NMNAT2: variants seen among roughly 807,000 people sequenced by gnomAD.
NMNAT2 encodes nicotinamide nucleotide adenylyltransferase 2, also known as nicotinamide/nicotinic acid mononucleotide adenylyltransferase 2.
NMNAT2 carries 11 observed loss-of-function variants against 41.6 expected under a neutral mutation model. The observed-to-expected ratio is 0.26, with a 90% CI of 0.17 to 0.44. NMNAT2 has a LOEUF of 0.44. Ranked by LOEUF, NMNAT2 falls within the 20% of genes least tolerant of loss-of-function variation. The probability of loss-of-function intolerance (pLI) is 1.00; values close to 1 mark genes in which losing one functional copy is unlikely to be tolerated. For missense variants in NMNAT2, 288 were observed against 407.7 expected, an observed-to-expected ratio of 0.71 and a Z score of 2.53; for synonymous variants, 148 against 151.2, an observed-to-expected ratio of 0.98 and a Z score of 0.16.
At chr1:183,322,105 A>G (rs1662367862) in intron 1 of NMNAT2, among the ~76,000 whole-genome samples, 1 of 151,976 alleles carries the variant, frequency 6.6e-6, no homozygotes, top group Non-Finnish European at 1.5e-5. Context: ...GATTATAGAC[A>G]TGAGCCACCG....
intron 1 of NMNAT2, among the ~76,000 whole-genome samples, chr1:183,372,270 A>C (rs1020256791): frequency 6.6e-6 from 1 of 152,240 alleles, no homozygotes; most frequent in African/African-American, 2.4e-5. Flanking sequence ...AGCAGAGGCT[A>C]TCCATCAAAC....
At chr1:183,411,400 C>T (rs1649112512) in intron 1 of NMNAT2, among the ~76,000 whole-genome samples, 1 of 152,124 alleles carries the variant, frequency 6.6e-6, no homozygotes, top group Non-Finnish European at 1.5e-5. Context: ...CTGCAACCTC[C>T]ACCTCTGACC....
chr1:183,416,953 C>T (rs562482085), intron 1 of NMNAT2, among the ~76,000 whole-genome samples: 1 of 152,270 alleles, frequency 6.6e-6, no homozygotes, highest in Admixed American at 6.5e-5. Flanking sequence ...CTCTGGAGAG[C>T]GCCTTGCTGG....
chr1:183,281,763 A>G (rs571024581), intron 7 of NMNAT2, among the ~76,000 whole-genome samples: 25 of 152,332 alleles, frequency 1.6e-4, no homozygotes, highest in Non-Finnish European at 1.5e-5. Flanking sequence ...TGTTAGGAGC[A>G]TGTAAATAGG....
intron 1 of NMNAT2, among the ~76,000 whole-genome samples, chr1:183,415,867 T>C (rs1370853903): frequency 6.6e-6 from 1 of 152,252 alleles, no homozygotes; most frequent in Non-Finnish European, 1.5e-5. Flanking sequence ...GTTTATGTGC[T>C]AAATTCTTCA....
chr1:183,333,543 C>T lies in NMNAT2; in HGVS notation c.86-39750G>A, dbSNP rs138305550. Among the ~76,000 whole-genome samples the T allele has an allele frequency of 7.2e-5, 11 of 152,202 alleles. No individual in the cohort carries two copies. The South Asian group carries it at 1.7e-3, about 23-fold the overall frequency. ...TAATGTGGGGCCATGAGCCAAGGAGCGCAAGCAGTCTCTGAAAGGTGGAAA... is the reference window on the plus strand; with the variant it reads ...TAATGTGGGGCCATGAGCCAAGGAGTGCAAGCAGTCTCTGAAAGGTGGAAA... On this transcript the variant is annotated intron_variant, in intron 1 of 10. Coordinates refer to ENST00000287713, the MANE Select transcript of NMNAT2 (RefSeq NM_015039.4).
intron 1 of NMNAT2, among the ~76,000 whole-genome samples, chr1:183,325,089 G>T (rs545282309): frequency 6.6e-6 from 1 of 152,326 alleles, no homozygotes; most frequent in East Asian, 1.9e-4. Context: ...GTATGTGACT[G>T]GGGGCCCTGG....
chr1:183,370,336 C>A (rs1332326702), intron 1 of NMNAT2, among the ~76,000 whole-genome samples: 1 of 151,388 alleles, frequency 6.6e-6, no homozygotes, highest in African/African-American at 2.4e-5. Flanking sequence ...AGGTACAGTT[C>A]TGTGATGTGC....
intron 1 of NMNAT2, among the ~76,000 whole-genome samples, chr1:183,344,827 G>T (rs770579830): frequency 6.6e-6 from 1 of 152,184 alleles, no homozygotes; most frequent in Non-Finnish European, 1.5e-5. Context: ...GCTGAGAAAG[G>T]TAGAGCATCT....
chr1:183,339,690 T>C (rs547777667), intron 1 of NMNAT2, among the ~76,000 whole-genome samples: 1 of 152,220 alleles, frequency 6.6e-6, no homozygotes, highest in Non-Finnish European at 1.5e-5. Flanking sequence ...GTTCTCAGCA[T>C]TGACGTGGCT....
chr1:183,349,935 G>A (rs776199084), intron 1 of NMNAT2, among the ~76,000 whole-genome samples: 10 of 152,156 alleles, frequency 6.6e-5, no homozygotes, highest in South Asian at 2.1e-4. Flanking sequence ...CTCTCAGGCC[G>A]AAATCAGGAT....
At chr1:183,341,728 A>AAAAAAAAAAAAAC (rs1662813097) in intron 1 of NMNAT2, among the ~76,000 whole-genome samples, 1 of 135,082 alleles carries the variant, frequency 7.4e-6, no homozygotes, top group Non-Finnish European at 1.6e-5. Flanking sequence ...CAAACACCAA[A>AAAAAAAAAAAAAC]AAAAAAAAAA....
chr1:183,346,744 C>A (rs1182695372), intron 1 of NMNAT2, among the ~76,000 whole-genome samples: 1 of 152,164 alleles, frequency 6.6e-6, no homozygotes, highest in Non-Finnish European at 1.5e-5. Context: ...CTCAGCTCAT[C>A]GGAACACTCA....
intron 1 of NMNAT2, among the ~76,000 whole-genome samples, chr1:183,368,861 A>G (rs1000493118): frequency 5.9e-5 from 9 of 152,232 alleles, no homozygotes; most frequent in African/African-American, 2.2e-4. Flanking sequence ...CCGGCAACTC[A>G]TGAAGTGAGT....
intron 1 of NMNAT2, among the ~76,000 whole-genome samples, chr1:183,312,093 T>C (rs1459197782): frequency 6.6e-6 from 1 of 152,080 alleles, no homozygotes; most frequent in East Asian, 1.9e-4. Context: ...CCTCTTTCTT[T>C]TGCAAATTGC....
At chr1:183,400,417 C>T (rs1248130986) in intron 1 of NMNAT2, among the ~76,000 whole-genome samples, 1 of 152,082 alleles carries the variant, frequency 6.6e-6, no homozygotes, top group Non-Finnish European at 1.5e-5. Flanking sequence ...TAAAAGAGGA[C>T]ACAAACAAAT....
chr1:183,254,177 C>T (rs1012777828), intron 10 of NMNAT2, among the ~76,000 whole-genome samples: 2 of 152,040 alleles, frequency 1.3e-5, no homozygotes, highest in Non-Finnish European at 2.9e-5. Flanking sequence ...TTTTCTATAA[C>T]GGTTGTACCA....
chr1:183,307,514 C>T (rs1662020493), intron 1 of NMNAT2, among the ~76,000 whole-genome samples: 1 of 151,954 alleles, frequency 6.6e-6, no homozygotes, highest in Non-Finnish European at 1.5e-5. Flanking sequence ...ATGATCTTGG[C>T]TCACTGCAAC....
At chr1:183,363,417 C>A (rs184390206) in intron 1 of NMNAT2, among the ~76,000 whole-genome samples, 69 of 152,318 alleles carry the variant, frequency 4.5e-4, no homozygotes, top group African/African-American at 1.5e-3. Context: ...TTGTTAGACC[C>A]TCTCATCCTT....
Sources: gnomAD v4.1 joint callset for allele counts (sites outside exome capture counted in the v4.1 genomes callset) on GRCh38, gnomAD v4.1.1 for gene constraint, MANE v1.5 for transcripts, NCBI Gene and HGNC (gene_info 2026-07-23, HGNC 2026-07-21) for gene names.